Variants in MARF1 observed in about 807,000 individuals in gnomAD.
MARF1 encodes limkain-b1.
MARF1 carries 24 observed loss-of-function variants against 168.2 expected under a neutral mutation model. The observed-to-expected ratio is 0.14, with a 90% confidence interval of 0.10 to 0.20. The LOEUF is 0.20. MARF1 is among the 10% of genes least tolerant of loss of function. The pLI is 1.00. For synonymous variants in MARF1, 868 were observed against 822.4 expected, an observed-to-expected ratio of 1.06 and a Z score of -0.95; for missense variants, 1,744 against 2,143.6, an observed-to-expected ratio of 0.81 and a Z score of 3.68.
Position 15,629,190 on chromosome 16 carries a change from C to A in MARF1, c.1524+1142G>T, listed in dbSNP as rs546618425. On this transcript the variant is annotated intron_variant, in intron 7 of 26. Transcript: ENST00000396368. Reference sequence around the variant, plus strand: ...TAGAAAAGTGACCGTCAAACAGAAGCAGAAGGGAAGAAATGTAACTACAGC... The same window carrying A: ...TAGAAAAGTGACCGTCAAACAGAAGAAGAAGGGAAGAAATGTAACTACAGC... Among the ~76,000 whole-genome samples the A allele has an allele frequency of 3.3e-5, 5 of 152,088 alleles. No homozygotes were observed. In the East Asian group the frequency reaches 9.7e-4, roughly 29 times the overall value.
chr16:15,637,488 C>A (rs1364118602), intron 2 of MARF1, among the ~76,000 whole-genome samples: 2 of 152,230 alleles, frequency 1.3e-5, no homozygotes, highest in East Asian at 1.9e-4. Flanking sequence ...CAGCAACGGG[C>A]TGACCAGCCA....
At position 15,619,385 on chromosome 16, in the gene MARF1, C is replaced by T. The variant is rs1294893732; in HGVS notation, c.2720+1066G>A. On this transcript the variant is annotated intron_variant, in intron 13 of 26. Transcript: ENST00000396368. ...GAGTTCTGTCCCAACAGTATCTGCTCTGAATTTGGACTGATGTAGCTACTT... is the reference window on the plus strand; with the variant it reads ...GAGTTCTGTCCCAACAGTATCTGCTTTGAATTTGGACTGATGTAGCTACTT... Among the ~76,000 whole-genome samples the T allele has an allele frequency of 3.3e-5, 5 of 152,342 alleles. No homozygotes were observed. In the South Asian group the frequency reaches 1.0e-3, roughly 32 times the overall value.
chr16:15,629,055 AAC>A (rs1172579348), intron 7 of MARF1, among the ~76,000 whole-genome samples: 1 of 150,458 alleles, frequency 6.6e-6, no homozygotes, highest in African/African-American at 2.4e-5. Flanking sequence ...TTTTTTTTGA[AAC>A]AGAGTCTCGC....
chr16:15,617,584 T>A, intron 13 of MARF1, 49 bp from the exon 14 acceptor site: 1 of 1,291,722 alleles, frequency 7.7e-7, no homozygotes, highest in Non-Finnish European at 1.1e-6. Flanking sequence ...TTTCTTTGAT[T>A]ATACAGAAAC....
chr16:15,611,463 A>AAC, intron 18 of MARF1, 129 bp downstream of exon 18: 1 of 858,876 alleles, frequency 1.2e-6, no homozygotes, highest in Non-Finnish European at 1.7e-6. Context: ...AAAAAAAAAA[A>AAC]AACAAAAAAC....
At chr16:15,614,770 G>A (rs2033910012) in intron 16 of MARF1, among the ~76,000 whole-genome samples, 1 of 151,870 alleles carries the variant, frequency 6.6e-6, no homozygotes, top group Admixed American at 6.6e-5. Context: ...TCCAGCCTGG[G>A]CAACAGAGCA....
Position 15,599,168 on chromosome 16 carries a change from A to AC in MARF1, c.4814-145_4814-144insG, listed in dbSNP as rs1323121299. The AC allele has an allele frequency of 2.7e-4, 212 of 788,930 alleles. 2 individuals are homozygous for AC. The highest frequency in any genetic ancestry group is 2.1e-3 in the African/African-American group (113 of 54,156). 48.9% of individuals were successfully genotyped at this position (788,930 alleles called of 1,614,324 possible). On this transcript the variant is annotated intron_variant, in intron 25 of 26. Coordinates refer to ENST00000396368, the MANE Select transcript of MARF1 (RefSeq NM_014647.4). ...ATTTAAGGTATTAAAAAAAAAAAAA[A>AC]AAAAAAACAAAAACCCAAAACCCAC...
chr16:15,612,536 T>G, intron 17 of MARF1, 21 bp downstream of exon 17: 1 of 1,596,492 alleles, frequency 6.3e-7, no homozygotes, highest in Non-Finnish European at 8.6e-7. Context: ...TGTAAACAAG[T>G]AATCCCGTGA....
intron 7 of MARF1, among the ~76,000 whole-genome samples, chr16:15,628,463 G>A (rs1411845262): frequency 2.0e-5 from 3 of 151,966 alleles, no homozygotes; most frequent in African/African-American, 7.3e-5. Flanking sequence ...AGGCTGGAGT[G>A]CAGTGGTGTG....
chr16:15,627,886 T>TA (rs2034981924), intron 7 of MARF1, among the ~76,000 whole-genome samples: 1 of 152,212 alleles, frequency 6.6e-6, no homozygotes, highest in South Asian at 2.1e-4. Flanking sequence ...CAGACACTCT[T>TA]ATGAGTGTAA....
Position 15,608,345 on chromosome 16 carries a change from G to A in MARF1, c.4128C>T (p.Asp1376=), listed in dbSNP as rs1404857934. Residue 1376 remains aspartate (D), a synonymous_variant, in exon 21 of 27, where the codon GAC becomes GAT. Transcript: ENST00000396368. The part of the protein sequence containing the change: ...KTFGYTFRLQ[D]YDVSSISALT... ...AAGCCGAAATGGAACTGACATCATA[G>A]TCTTGGAGACGAAATGTATAACCAA... 1.9e-6 allele frequency: 3 copies of A among 1,609,820 alleles called. No individual in the cohort carries two copies. The highest frequency in any genetic ancestry group is 2.2e-5 in the South Asian group (2 of 90,974).
At chr16:15,639,317 T>G in intron 1 of MARF1, 26 bp from the exon 2 acceptor site, 1 of 1,461,954 alleles carries the variant, frequency 6.8e-7, no homozygotes, top group South Asian at 1.3e-5. Flanking sequence ...AAGATTTCAG[T>G]GTTATTTCCT....
rs868353571 is a variant in MARF1 at position 15,601,026 on chromosome 16, A to T, written c.4627-325T>A. 16 of 587,152 alleles carry T rather than the reference A, an allele frequency of 2.7e-5. 1 individual carries two copies. Among genetic ancestry groups the T allele is most frequent in the South Asian group, 1.7e-4 (11 of 65,738 alleles). 36.4% of individuals were successfully genotyped at this position (587,152 alleles called of 1,614,324 possible). A position where few individuals can be genotyped will look rare whatever the true frequency, so the allele number is the denominator to read the frequency against. ...AGTTCTCACATGAGAGCTCTTTGCCATTTTTTTGCAGAAACTGAACAACCA... is the reference window on the plus strand; with the variant it reads ...AGTTCTCACATGAGAGCTCTTTGCCTTTTTTTTGCAGAAACTGAACAACCA... On this transcript the variant is annotated intron_variant, in intron 23 of 26. Transcript: ENST00000396368.
intron 7 of MARF1, among the ~76,000 whole-genome samples, chr16:15,628,338 C>A (rs2035017167): frequency 6.6e-6 from 1 of 151,968 alleles, no homozygotes; most frequent in Non-Finnish European, 1.5e-5. Flanking sequence ...GTGGGGTTTT[C>A]ACTTTCCACA....
intron 7 of MARF1, among the ~76,000 whole-genome samples, chr16:15,629,007 G>A (rs1055790893): frequency 1.3e-5 from 2 of 151,136 alleles, no homozygotes; most frequent in African/African-American, 4.9e-5. Flanking sequence ...TCCAAAGTGG[G>A]CAAGTTCTTA....
Position 15,635,718 on chromosome 16 carries a change from G to C in MARF1, c.769C>G (p.Leu257Val). The change falls in exon 3 of 27, where the codon CTT (leucine) becomes GTT (valine). Residue 257 changes from leucine (L) to valine (V), a missense_variant. Leu to Val is a conservative substitution (Grantham distance 32). Coordinates refer to ENST00000396368, the MANE Select transcript of MARF1 (RefSeq NM_014647.4). ...AAACAAACCGGAGGTACCACATTAA[G>C]GTGCAAAGAGTTGGTGCACAAGTGA... ...TPHLCTNSLH[L>V]NVVPPVCLKG... The C allele has an allele frequency of 6.2e-7, 1 of 1,614,184 alleles. No individual in the cohort carries two copies. The highest frequency in any genetic ancestry group is 8.5e-7 in the Non-Finnish European group (1 of 1,180,032).
rs976482558 is a variant in MARF1 at position 15,594,459 on chromosome 16, A to G, written c.*2234T>C. ...ACAAAACAGCACTTGAACCACAACA[A>G]AAGTGTTCAAACAAAGTAGACAACT... On this transcript the variant is annotated 3_prime_UTR_variant, in exon 27 of 27. Coordinates refer to ENST00000396368, the MANE Select transcript of MARF1 (RefSeq NM_014647.4). 3.9e-5 allele frequency: 6 copies of G among 152,626 alleles called. No individual in the cohort carries two copies. Among genetic ancestry groups the G allele is most frequent in the African/African-American group, 1.4e-4 (6 of 41,450 alleles). The allele number at this position is 152,626 out of a possible 1,614,324, so 9.5% of individuals were successfully genotyped here.
At chr16:15,620,003 A>C (rs1490875927) in intron 13 of MARF1, among the ~76,000 whole-genome samples, 1 of 152,156 alleles carries the variant, frequency 6.6e-6, no homozygotes, top group Non-Finnish European at 1.5e-5. Flanking sequence ...GTCTCTACTA[A>C]AAATACGAAA....
In MARF1 at chr16:15,630,518, T is replaced by C. The variant is rs758075639; in HGVS notation, c.1352-14A>G. Reference sequence around the variant, plus strand: ...AATTGACATCAGCTGAAAGAAAAGGTACAGACCAACCCCATCCCCAAACAT... The same window carrying C: ...AATTGACATCAGCTGAAAGAAAAGGCACAGACCAACCCCATCCCCAAACAT... On this transcript the variant is annotated splice_polypyrimidine_tract_variant and intron_variant, in intron 6 of 26. Coordinates refer to ENST00000396368, the MANE Select transcript of MARF1 (RefSeq NM_014647.4). 3 of 1,609,584 alleles carry C rather than the reference T, an allele frequency of 1.9e-6. No individual in the cohort carries two copies. The highest frequency in any genetic ancestry group is 1.1e-5 in the South Asian group (1 of 90,586).
Sources: gnomAD v4.1 joint callset for allele counts (sites outside exome capture counted in the v4.1 genomes callset) on GRCh38, gnomAD v4.1.1 for gene constraint, MANE v1.5 for transcripts, NCBI Gene and HGNC (gene_info 2026-07-23, HGNC 2026-07-21) for gene names.